CDH4: variants seen among roughly 807,000 people sequenced by gnomAD.
CDH4 encodes cadherin-4.
CDH4 carries 33 observed loss-of-function variants against 86.0 expected under a neutral mutation model. The ratio of observed to expected loss-of-function variants is 0.38; its 90% CI spans 0.29 to 0.51. The LOEUF is 0.51. CDH4 is among the 20% of genes least tolerant of loss of function. The pLI, the probability that CDH4 is intolerant of heterozygous loss-of-function variation, is 0.86. For missense variants in CDH4, 1,114 were observed against 1,307.4 expected (o/e 0.85, Z 2.28); for synonymous variants, 555 against 549.4 (o/e 1.01, Z -0.14).
chr20:61,860,041 C>A (rs1170772254), intron 6 of CDH4, among the ~76,000 whole-genome samples: 1 of 152,278 alleles, frequency 6.6e-6, no homozygotes. Flanking sequence ...AAGGACAGTG[C>A]CTGCCTCATG....
At chr20:61,432,720 G>T (rs993937978) in intron 2 of CDH4, among the ~76,000 whole-genome samples, 4 of 151,810 alleles carry the variant, frequency 2.6e-5, no homozygotes. Flanking sequence ...TCCTTTTGTG[G>T]TTCATACTTC....
intron 11 of CDH4, among the ~76,000 whole-genome samples, chr20:61,926,235 C>T (rs2055043254): frequency 6.6e-6 from 1 of 152,192 alleles, no homozygotes; most frequent in South Asian, 2.1e-4. Flanking sequence ...ACCAGAGGAG[C>T]AAGCACGGGA....
chr20:61,764,665 G>A (rs1309133523), intron 3 of CDH4, among the ~76,000 whole-genome samples: 6 of 152,282 alleles, frequency 3.9e-5, no homozygotes, highest in East Asian at 1.9e-4. Context: ...TCGTGCATCC[G>A]CCCCATCAGT....
intron 9 of CDH4, among the ~76,000 whole-genome samples, chr20:61,919,814 G>A (rs1486260912): frequency 6.7e-6 from 1 of 149,778 alleles, no homozygotes; most frequent in South Asian, 2.2e-4. Context: ...TTGTGTGGAA[G>A]TGTGTCGTGA....
intron 2 of CDH4, among the ~76,000 whole-genome samples, chr20:61,282,041 A>G (rs2084261684): frequency 1.3e-5 from 2 of 152,186 alleles, no homozygotes; most frequent in African/African-American, 4.8e-5. Flanking sequence ...GGAAGCACGC[A>G]TGGCATATTG....
At position 61,915,822 on chromosome 20, in the gene CDH4, G is replaced by A. The variant is rs748583682; in HGVS notation, c.1374+5215G>A. 5.2e-4 allele frequency among the ~76,000 whole-genome samples: 79 copies of A among 152,290 alleles called. 1 individual carries two copies. The highest frequency in any genetic ancestry group is 4.3e-4 in the Non-Finnish European group (29 of 68,026). On this transcript the variant is annotated intron_variant, in intron 9 of 15. Transcript: ENST00000614565. The stretch of plus-strand genomic sequence containing the variant: ...CTGCACCTTGGCCGTGGGGCTGGCC[G>A]TGCTTCCGTACACTTGTTAACATTC...
At chr20:61,715,413 T>G (rs11907188) in intron 2 of CDH4, among the ~76,000 whole-genome samples, 7,089 of 152,258 alleles carry the variant, frequency 0.047, 512 homozygotes, top group African/African-American at 0.15. Context: ...AGGCCATGGC[T>G]TTGGCACCTG....
chr20:61,411,656 C>G (rs575803792), intron 2 of CDH4, among the ~76,000 whole-genome samples: 1 of 152,190 alleles, frequency 6.6e-6, no homozygotes, highest in East Asian at 1.9e-4. Context: ...TTGTTCAGCT[C>G]TCTCTGATGC....
intron 2 of CDH4, among the ~76,000 whole-genome samples, chr20:61,312,570 G>T (rs908581887): frequency 6.6e-6 from 1 of 152,094 alleles, no homozygotes; most frequent in African/African-American, 2.4e-5. Context: ...CATCAGGACT[G>T]CACCCCCTTC....
At chr20:61,575,506 C>T (rs181708114) in intron 2 of CDH4, among the ~76,000 whole-genome samples, 336 of 152,258 alleles carry the variant, frequency 2.2e-3, no homozygotes, top group Middle Eastern at 6.8e-3. Context: ...TAAATCTCTT[C>T]GTGACAGTTA....
At chr20:61,545,117 C>G (rs1291442718) in intron 2 of CDH4, among the ~76,000 whole-genome samples, 1 of 152,166 alleles carries the variant, frequency 6.6e-6, no homozygotes, top group Non-Finnish European at 1.5e-5. Flanking sequence ...AGACCAAAGT[C>G]GTTCAGCAAA....
intron 2 of CDH4, among the ~76,000 whole-genome samples, chr20:61,433,101 AG>A (rs1282027711): frequency 6.6e-6 from 1 of 152,166 alleles, no homozygotes; most frequent in Admixed American, 6.5e-5. Context: ...GGCCTCCCAA[AG>A]TGCTAGGATT....
At chr20:61,586,216 G>C (rs2086473634) in intron 2 of CDH4, among the ~76,000 whole-genome samples, 1 of 151,870 alleles carries the variant, frequency 6.6e-6, no homozygotes, top group South Asian at 2.1e-4. Context: ...TGATGATAAT[G>C]ATATTAATCA....
intron 3 of CDH4, among the ~76,000 whole-genome samples, chr20:61,751,171 G>T (rs2088489494): frequency 6.6e-6 from 1 of 152,188 alleles, no homozygotes; most frequent in African/African-American, 2.4e-5. Flanking sequence ...ACAAGAAAAA[G>T]ATGGGAGGAC....
rs781575792 is a variant in CDH4, at chr20:61,934,216, A to G, written c.2540A>G (p.Asn847Ser). ...CCAGGCGACATCGGTGACTTCATCA[A>G]TGAGGTGTGTGCCTCTCGGCAGTGG... ...PHPGDIGDFI[N>S]EGLRAADNDP... The change falls in exon 15 of 16, where the codon AAT becomes AGT. Residue 847 changes from asparagine (N) to serine (S), a missense_variant. Asn to Ser is a conservative substitution (Grantham distance 46). Around this residue, in one of 3 missense-constraint regions of CDH4, gnomAD observed 188 missense variants for 183.8 expected, o/e 1.02. Transcript: ENST00000614565. The G allele has an allele frequency of 1.2e-5, 18 of 1,559,574 alleles. No individual in the cohort carries two copies. Among genetic ancestry groups the G allele is most frequent in the African/African-American group, 1.4e-5 (1 of 73,538 alleles).
At chr20:61,698,673 G>C (rs1481916313) in intron 2 of CDH4, among the ~76,000 whole-genome samples, 1 of 152,238 alleles carries the variant, frequency 6.6e-6, no homozygotes, top group Non-Finnish European at 1.5e-5. Context: ...TGTGGGGCCA[G>C]AGTCTCAGCT....
In CDH4 at chr20:61,924,487, C is replaced by A; in HGVS notation, c.1771+11C>A. The A allele has an allele frequency of 6.2e-7, 1 of 1,609,606 alleles. No homozygotes were observed. Among genetic ancestry groups the A allele is most frequent in the Non-Finnish European group, 8.5e-7 (1 of 1,177,760 alleles). ...TGGCAGCTGACAATGGTGCGGCCCA[C>A]CCCAGGGAGGCAGCCGTCTCGGTGG... On this transcript the variant is annotated intron_variant, in intron 11 of 15. Transcript: ENST00000614565.
intron 6 of CDH4, among the ~76,000 whole-genome samples, chr20:61,872,317 C>CA (rs879428728): frequency 4.6e-5 from 7 of 152,166 alleles, no homozygotes; most frequent in Admixed American, 2.0e-4. Flanking sequence ...CACAGGGCCC[C>CA]ATGACTCAGT....
chr20:61,271,577 G>A (rs1040428569), intron 2 of CDH4, among the ~76,000 whole-genome samples: 2 of 152,212 alleles, frequency 1.3e-5, no homozygotes, highest in African/African-American at 4.8e-5. Context: ...GTGAGGCCCC[G>A]GCCTGGGGGT....
Sources: gnomAD v4.1 joint callset for allele counts (sites outside exome capture counted in the v4.1 genomes callset) on GRCh38, gnomAD v4.1.1 for gene constraint, gnomAD v4.1.1 regional missense constraint, MANE v1.5 for transcripts, NCBI Gene and HGNC (gene_info 2026-07-23, HGNC 2026-07-21) for gene names.